Variants in ZBTB20 observed in about 807,000 individuals in gnomAD.
ZBTB20 encodes zinc finger and BTB domain containing 20.
ZBTB20 carries 9 observed loss-of-function variants against 56.9 expected under a neutral mutation model. That is an observed-to-expected ratio of 0.16 (90% CI 0.10 to 0.28). ZBTB20 has a LOEUF of 0.28. Ranked by LOEUF, ZBTB20 falls within the 10% of genes least tolerant of loss-of-function variation. The probability of loss-of-function intolerance (pLI) is 1.00; values close to 1 mark genes in which losing one functional copy is unlikely to be tolerated. For synonymous variants in ZBTB20, 417 were observed against 420.7 expected (o/e 0.99, Z 0.11); for missense variants, 655 against 1,003.0 (o/e 0.65, Z 4.69).
At chr3:114,742,266 G>A (rs2066659711) in intron 5 of ZBTB20, among the ~76,000 whole-genome samples, 1 of 152,258 alleles carries the variant, frequency 6.6e-6, no homozygotes, top group South Asian at 2.1e-4. Flanking sequence ...GGTTGAGCCT[G>A]TCAATGATTG....
At chr3:114,455,621 A>AT (rs1378588021) in intron 7 of ZBTB20, among the ~76,000 whole-genome samples, 1 of 152,132 alleles carries the variant, frequency 6.6e-6, no homozygotes, top group Non-Finnish European at 1.5e-5. Flanking sequence ...AGGGAGAAGG[A>AT]TGCTGGAAGA....
At chr3:114,936,359 G>A (rs1045846120) in intron 3 of ZBTB20, among the ~76,000 whole-genome samples, 2 of 152,140 alleles carry the variant, frequency 1.3e-5, no homozygotes, top group South Asian at 2.1e-4. Context: ...GTCAGGAGAT[G>A]TGGATTCTGC....
intron 4 of ZBTB20, among the ~76,000 whole-genome samples, chr3:114,801,706 A>G (rs61167087): frequency 0.028 from 4,233 of 151,914 alleles, 120 homozygotes; most frequent in African/African-American, 0.07. Flanking sequence ...AGGGCTAAAT[A>G]AACATATTTA....
At chr3:114,840,278 C>T (rs911601800) in intron 4 of ZBTB20, among the ~76,000 whole-genome samples, 7 of 152,302 alleles carry the variant, frequency 4.6e-5, no homozygotes, top group South Asian at 2.1e-4. Context: ...GATAAATTCA[C>T]GCATGTGCAA....
chr3:114,748,290 CTTTCTT>C lies in ZBTB20; in HGVS notation c.-343+52805_-343+52810del, dbSNP rs2067225174. On this transcript the variant is annotated intron_variant, in intron 5 of 11. Coordinates refer to ENST00000675478, the MANE Select transcript of ZBTB20 (RefSeq NM_001348800.3). Reference sequence around the variant, plus strand: ...GGTTTTTGTTGTAGCTTCTTTCTTTCTTTCTTTCTTTCTTTCTTTCTTTCTTTCTTT... The same window carrying C: ...GGTTTTTGTTGTAGCTTCTTTCTTTCTCTTTCTTTCTTTCTTTCTTTCTTT... 1.3e-4 allele frequency among the ~76,000 whole-genome samples: 16 copies of C among 124,390 alleles called. 1 individual carries two copies. The highest frequency in any genetic ancestry group is 1.1e-3 in the Admixed American group (14 of 12,282). The allele number at this position is 124,390 out of a possible 152,430, so 81.6% of individuals were successfully genotyped here. A position where few individuals can be genotyped will look rare whatever the true frequency, so the allele number is the denominator to read the frequency against.
At chr3:115,146,775 C>T (rs1159861693) in intron 1 of ZBTB20, among the ~76,000 whole-genome samples, 1 of 152,172 alleles carries the variant, frequency 6.6e-6, no homozygotes, top group Non-Finnish European at 1.5e-5. Flanking sequence ...CTAGCAGCTC[C>T]TGAGCCCCGG....
intron 1 of ZBTB20, among the ~76,000 whole-genome samples, chr3:115,146,892 C>A (rs143119184): frequency 6.6e-6 from 1 of 151,770 alleles, no homozygotes; most frequent in African/African-American, 2.4e-5. Context: ...CCGCCCGCCC[C>A]GCCACCCTTC....
chr3:114,524,731 G>A (rs2047021586), intron 6 of ZBTB20, among the ~76,000 whole-genome samples: 1 of 151,380 alleles, frequency 6.6e-6, no homozygotes. Context: ...TTTTTTTTCT[G>A]AGATGGAGTC....
intron 7 of ZBTB20, among the ~76,000 whole-genome samples, chr3:114,405,757 T>C (rs1389901284): frequency 1.3e-5 from 2 of 151,656 alleles, no homozygotes; most frequent in Non-Finnish European, 2.9e-5. Context: ...CTAAAGAGAG[T>C]GTAGTTTGAT....
intron 7 of ZBTB20, among the ~76,000 whole-genome samples, chr3:114,446,955 A>G (rs1464517281): frequency 6.6e-6 from 1 of 152,208 alleles, no homozygotes; most frequent in Non-Finnish European, 1.5e-5. Flanking sequence ...TCCACTAAGG[A>G]AGATAATTTA....
intron 1 of ZBTB20, among the ~76,000 whole-genome samples, chr3:115,078,044 A>G: frequency 6.6e-6 from 1 of 152,320 alleles, no homozygotes; most frequent in East Asian, 1.9e-4. Context: ...CAGGCTAAAT[A>G]ACTTGCCTGA....
chr3:114,477,743 C>T (rs1173685870), intron 7 of ZBTB20, among the ~76,000 whole-genome samples: 3 of 151,964 alleles, frequency 2.0e-5, no homozygotes, highest in Non-Finnish European at 2.9e-5. Flanking sequence ...GATCCGCCTG[C>T]CTCAGCCTTC....
chr3:115,010,676 G>A (rs748824162), intron 2 of ZBTB20, among the ~76,000 whole-genome samples: 19 of 151,828 alleles, frequency 1.3e-4, no homozygotes, highest in Non-Finnish European at 1.8e-4. Context: ...CAAGAAGGGC[G>A]GCTACAAATA....
At position 114,578,919 on chromosome 3, in the gene ZBTB20, C is replaced by A. The variant is rs145004396; in HGVS notation, c.-294-78528G>T. Among the ~76,000 whole-genome samples, 552 of 151,710 alleles carry A rather than the reference C, an allele frequency of 3.6e-3. 6 individuals carry two copies. Among genetic ancestry groups the A allele is most frequent in the African/African-American group, 0.012 (518 of 41,502 alleles). ...CATTGATTATAGACAACAGTGATCA[C>A]CACTTTTGAATATGGTTAAAAACAA... On this transcript the variant is annotated intron_variant, in intron 6 of 11. Coordinates refer to ENST00000675478, the MANE Select transcript of ZBTB20 (RefSeq NM_001348800.3).
chr3:114,882,566 T>A (rs539818548), intron 4 of ZBTB20, among the ~76,000 whole-genome samples: 3 of 151,822 alleles, frequency 2.0e-5, no homozygotes, highest in Non-Finnish European at 4.4e-5. Flanking sequence ...TTTTGTGACA[T>A]CCATAAAATG....
chr3:115,020,304 A>C (rs1335529947), intron 2 of ZBTB20, among the ~76,000 whole-genome samples: 1 of 151,168 alleles, frequency 6.6e-6, no homozygotes, highest in Non-Finnish European at 1.5e-5. Context: ...TACCAAACGT[A>C]ATACCAATAG....
chr3:114,793,148 G>A (rs1305737855), intron 5 of ZBTB20, among the ~76,000 whole-genome samples: 5 of 151,892 alleles, frequency 3.3e-5, no homozygotes, highest in Non-Finnish European at 5.9e-5. Context: ...CCAAAGTGAC[G>A]GGATTACAGG....
chr3:115,018,255 C>T (rs751899808), intron 2 of ZBTB20, among the ~76,000 whole-genome samples: 5 of 150,910 alleles, frequency 3.3e-5, no homozygotes, highest in African/African-American at 4.9e-5. Flanking sequence ...CATGCTTTGC[C>T]ATAGTATCAT....
chr3:114,507,189 C>A (rs1285128431), intron 6 of ZBTB20, among the ~76,000 whole-genome samples: 1 of 152,052 alleles, frequency 6.6e-6, no homozygotes. Context: ...GTTACTTTTT[C>A]GGGAACAAGT....
Sources: allele counts gnomAD v4.1 joint callset (sites outside exome capture counted in the v4.1 genomes callset), GRCh38; gene constraint gnomAD v4.1.1; transcripts MANE v1.5; gene names NCBI Gene and HGNC (gene_info 2026-07-23, HGNC 2026-07-21).